The following TECRL variants were observed in gnomAD, a reference collection of about 807,000 sequenced individuals.
TECRL encodes trans-2,3-enoyl-CoA reductase like.
Under a neutral mutation model 52.8 loss-of-function variants are expected in TECRL, and 63 were observed. That is an observed-to-expected ratio of 1.19 (90% CI 0.97 to 1.47). The LOEUF is 1.47. TECRL is among the 40% of genes most tolerant of loss of function. The pLI is 0.00. For missense variants in TECRL, 482 were observed against 429.6 expected (o/e 1.12, Z -1.08); for synonymous variants, 164 against 141.9 (o/e 1.16, Z -1.10).
chr4:64,342,499 T>C (rs1192110822), intron 2 of TECRL, among the ~76,000 whole-genome samples: 3 of 152,028 alleles, frequency 2.0e-5, no homozygotes, highest in Non-Finnish European at 4.4e-5. Flanking sequence ...TTTAGTTAAA[T>C]GTGAGACTGT....
chr4:64,385,209 G>A (rs908548314), intron 1 of TECRL, among the ~76,000 whole-genome samples: 1 of 152,132 alleles, frequency 6.6e-6, no homozygotes, highest in Non-Finnish European at 1.5e-5. Flanking sequence ...GCTGTGGCAG[G>A]CCAGGTGGAT....
intron 2 of TECRL, among the ~76,000 whole-genome samples, chr4:64,356,898 T>G (rs981600077): frequency 2.6e-5 from 4 of 152,190 alleles, no homozygotes; most frequent in African/African-American, 9.7e-5. Context: ...GAAAGTTGGA[T>G]GGAGGAGATT....
chr4:64,409,101 T>C lies in TECRL; in HGVS notation c.234+17A>G, dbSNP rs1254403221. The C allele has an allele frequency of 3.8e-6, 6 of 1,558,490 alleles. No individual in the cohort carries two copies. In the East Asian group the frequency reaches 1.4e-4, roughly 37 times the overall value. On this transcript the variant is annotated intron_variant, in intron 1 of 11. Coordinates refer to ENST00000381210, the MANE Select transcript of TECRL (RefSeq NM_001010874.5). ...ACACTTAAACAAACAAACAAATAAA[T>C]AAATAAATAAACTCACCTTATCCAG...
rs1399893283 is a variant in TECRL at position 64,342,979 on chromosome 4, G to A, written c.287-14423C>T. On this transcript the variant is annotated intron_variant, in intron 2 of 11. Coordinates refer to ENST00000381210, the MANE Select transcript of TECRL (RefSeq NM_001010874.5). Reference sequence around the variant, plus strand: ...TTAGTTAAAATCTTTACAACTCTGTGTTGTGATCACTAACAAAACCAGCAA... The same window carrying A: ...TTAGTTAAAATCTTTACAACTCTGTATTGTGATCACTAACAAAACCAGCAA... 3.3e-5 allele frequency among the ~76,000 whole-genome samples: 5 copies of A among 151,980 alleles called. No homozygotes were observed. The East Asian group carries it at 9.6e-4, about 29-fold the overall frequency.
At chr4:64,361,350 G>C (rs765371027) in intron 2 of TECRL, among the ~76,000 whole-genome samples, 1 of 152,072 alleles carries the variant, frequency 6.6e-6, no homozygotes, top group Non-Finnish European at 1.5e-5. Context: ...CAATGTACAC[G>C]TGTGTGTATA....
intron 3 of TECRL, among the ~76,000 whole-genome samples, chr4:64,323,195 T>C (rs1718025870): frequency 6.6e-6 from 1 of 151,150 alleles, no homozygotes; most frequent in Non-Finnish European, 1.5e-5. Flanking sequence ...AGCCCAGGAG[T>C]TCCATCTTGG....
At chr4:64,395,794 A>C (rs1298468167) in intron 1 of TECRL, among the ~76,000 whole-genome samples, 1 of 152,118 alleles carries the variant, frequency 6.6e-6, no homozygotes, top group Non-Finnish European at 1.5e-5. Context: ...CATAGTAGCC[A>C]ATAGTGAGTT....
intron 2 of TECRL, among the ~76,000 whole-genome samples, chr4:64,345,106 G>A (rs982275378): frequency 6.6e-6 from 1 of 152,196 alleles, no homozygotes; most frequent in African/African-American, 2.4e-5. Flanking sequence ...TACACTGTTG[G>A]TGGGACTGTA....
chr4:64,362,558 A>G (rs1467189906), intron 2 of TECRL, among the ~76,000 whole-genome samples: 3 of 152,178 alleles, frequency 2.0e-5, no homozygotes, highest in Non-Finnish European at 4.4e-5. Flanking sequence ...ATTCAGCACC[A>G]TTAAAAAAAG....
intron 5 of TECRL, among the ~76,000 whole-genome samples, chr4:64,311,487 T>C (rs918237565): frequency 3.3e-5 from 5 of 152,158 alleles, no homozygotes; most frequent in Admixed American, 3.3e-4. Flanking sequence ...TTTGTAGATG[T>C]AGTTACAAAA....
chr4:64,353,673 G>T (rs1720555317), intron 2 of TECRL, among the ~76,000 whole-genome samples: 1 of 152,126 alleles, frequency 6.6e-6, no homozygotes, highest in Non-Finnish European at 1.5e-5. Context: ...AAGATATCGA[G>T]ATGCCATACT....
At chr4:64,354,831 T>C (rs1448856130) in intron 2 of TECRL, among the ~76,000 whole-genome samples, 2 of 152,152 alleles carry the variant, frequency 1.3e-5, no homozygotes, top group African/African-American at 4.8e-5. Flanking sequence ...AGCCAGAGAA[T>C]GAGACAATTA....
At chr4:64,302,789 GTTTCA>G (rs1455861444) in intron 7 of TECRL, among the ~76,000 whole-genome samples, 2 of 151,180 alleles carry the variant, frequency 1.3e-5, no homozygotes, top group African/African-American at 2.4e-5. Flanking sequence ...TAATTGAAGT[GTTTCA>G]TTTCATCTTC....
chr4:64,354,679 G>A (rs1229511177), intron 2 of TECRL, among the ~76,000 whole-genome samples: 4 of 152,094 alleles, frequency 2.6e-5, no homozygotes, highest in Non-Finnish European at 4.4e-5. Flanking sequence ...AGGTTTGCAC[G>A]GTAAACCCAA....
At chr4:64,375,081 A>G (rs1173655461) in intron 2 of TECRL, 91 bp downstream of exon 2, 3 of 513,524 alleles carry the variant, frequency 5.8e-6, no homozygotes, top group Non-Finnish European at 9.7e-6. Flanking sequence ...GTTTTCATAC[A>G]CTCTAACATA....
rs1402240727 is a variant in TECRL, at chr4:64,278,196, T to A, written c.*1876A>T. 1 of 151,708 alleles carries A rather than the reference T, an allele frequency of 6.6e-6. No individual in the cohort carries two copies. The highest frequency in any genetic ancestry group is 2.1e-4 in the South Asian group (1 of 4,830). 9.4% of individuals were successfully genotyped at this position (151,708 alleles called of 1,614,324 possible). ...TATATTTAGAATGATTTTCAAATAA[T>A]CTACAGAAAATATTTTAATTGTAAA... is the stretch of plus-strand genomic sequence containing the variant. On this transcript the variant is annotated 3_prime_UTR_variant, in exon 12 of 12. Coordinates refer to ENST00000381210, the MANE Select transcript of TECRL (RefSeq NM_001010874.5).
At chr4:64,393,388 C>T (rs962928886) in intron 1 of TECRL, among the ~76,000 whole-genome samples, 14 of 151,960 alleles carry the variant, frequency 9.2e-5, no homozygotes, top group African/African-American at 3.4e-4. Flanking sequence ...TGAATTTCTT[C>T]CATGTGTATG....
chr4:64,405,497 C>T (rs528422511), intron 1 of TECRL, among the ~76,000 whole-genome samples: 1 of 152,150 alleles, frequency 6.6e-6, no homozygotes, highest in South Asian at 2.1e-4. Context: ...TTAAGTAGCT[C>T]TGTGGAAGAT....
chr4:64,362,816 A>T (rs1721290325), intron 2 of TECRL, among the ~76,000 whole-genome samples: 1 of 152,106 alleles, frequency 6.6e-6, no homozygotes, highest in African/African-American at 2.4e-5. Flanking sequence ...CCAGTTAACA[A>T]CATGAAGACA....
Sources: gnomAD v4.1 joint callset for allele counts (sites outside exome capture counted in the v4.1 genomes callset) on GRCh38, gnomAD v4.1.1 for gene constraint, MANE v1.5 for transcripts, NCBI Gene and HGNC (gene_info 2026-07-23, HGNC 2026-07-21) for gene names.